SPAG16: variants seen among roughly 807,000 people sequenced by gnomAD.
The protein encoded by SPAG16 is sperm associated antigen 16.
SPAG16 carries 86 observed loss-of-function variants against 80.4 expected under a neutral mutation model. The observed-to-expected ratio is 1.07, with a 90% CI of 0.90 to 1.28. The LOEUF (loss-of-function observed/expected upper bound fraction) is 1.28, where lower values mean the gene tolerates loss of function less well. Ranked by LOEUF, SPAG16 falls within the 50% of genes most tolerant of loss-of-function variation. SPAG16 has a pLI of 0.00. For synonymous variants in SPAG16, 294 were observed against 265.9 expected (o/e 1.11, Z -1.03); for missense variants, 870 against 765.3 (o/e 1.14, Z -1.61).
At chr2:213,622,088 C>A (rs1410595206) in intron 10 of SPAG16, among the ~76,000 whole-genome samples, 1 of 152,162 alleles carries the variant, frequency 6.6e-6, no homozygotes, top group Non-Finnish European at 1.5e-5. Context: ...CAACAATACA[C>A]CTGAACAATT....
At chr2:213,804,816 A>T (rs1267130647) in intron 10 of SPAG16, among the ~76,000 whole-genome samples, 1 of 152,192 alleles carries the variant, frequency 6.6e-6, no homozygotes, top group African/African-American at 2.4e-5. Context: ...ATGTGCCTGA[A>T]AGGAGAGAGC....
At chr2:213,334,957 T>C (rs1451468474) in intron 5 of SPAG16, among the ~76,000 whole-genome samples, 3 of 152,180 alleles carry the variant, frequency 2.0e-5, no homozygotes, top group Non-Finnish European at 4.4e-5. Context: ...TAAAATTCGA[T>C]TTTTTGTAAC....
At chr2:214,315,243 T>A (rs1164000981) in intron 15 of SPAG16, among the ~76,000 whole-genome samples, 2 of 152,290 alleles carry the variant, frequency 1.3e-5, no homozygotes, top group East Asian at 3.9e-4. Flanking sequence ...TTCCTCCATC[T>A]GTTAACAACA....
chr2:213,962,194 T>A (rs1485577448), intron 12 of SPAG16, among the ~76,000 whole-genome samples: 1 of 151,380 alleles, frequency 6.6e-6, no homozygotes, highest in East Asian at 1.9e-4. Flanking sequence ...ATCCTTTTTT[T>A]ATGTTTTTTT....
At chr2:214,142,579 A>G (rs1043365713) in intron 14 of SPAG16, among the ~76,000 whole-genome samples, 6 of 152,118 alleles carry the variant, frequency 3.9e-5, no homozygotes, top group Non-Finnish European at 8.8e-5. Flanking sequence ...CAGGTCTCCC[A>G]GGCCCCTAGT....
chr2:213,357,542 G>A (rs968929685), intron 7 of SPAG16, among the ~76,000 whole-genome samples: 3 of 151,996 alleles, frequency 2.0e-5, no homozygotes, highest in Admixed American at 1.3e-4. Context: ...ATATTTGTTG[G>A]TTTTAAAGTC....
chr2:213,358,551 T>G (rs950340408), intron 7 of SPAG16, among the ~76,000 whole-genome samples: 1 of 152,226 alleles, frequency 6.6e-6, no homozygotes, highest in African/African-American at 2.4e-5. Flanking sequence ...ATTGAATTGG[T>G]TACTGAAGCT....
In SPAG16 at chr2:213,691,506, C is replaced by T. The variant is rs138174755; in HGVS notation, c.1071-170979C>T. Among the ~76,000 whole-genome samples, 521 of 152,222 alleles carry T rather than the reference C, an allele frequency of 3.4e-3. 3 individuals are homozygous for T. Among genetic ancestry groups the T allele is most frequent in the Middle Eastern group, 6.8e-3 (2 of 294 alleles). On this transcript the variant is annotated intron_variant, in intron 10 of 15. Transcript: ENST00000331683. The stretch of plus-strand genomic sequence containing the variant: ...TGGACCTCTAGCCCAGACTAAAGCC[C>T]TGGCTGATATCTGTCTGTAAACACA...
intron 15 of SPAG16, among the ~76,000 whole-genome samples, chr2:214,279,515 A>G (rs1692737181): frequency 6.6e-6 from 1 of 152,164 alleles, no homozygotes; most frequent in Non-Finnish European, 1.5e-5. Flanking sequence ...AAATTGATGA[A>G]CTCTGTAAGG....
In SPAG16 at chr2:213,931,191, C is replaced by T. The variant is rs148147091; in HGVS notation, c.1400+1046C>T. On this transcript the variant is annotated intron_variant, in intron 12 of 15. Coordinates refer to ENST00000331683, the MANE Select transcript of SPAG16 (RefSeq NM_024532.5). ...TTGTTACAATGATAGGTGCAAGTTC[C>T]GTTTCCTGACAAGTCCTTGAAAGAT... is the stretch of plus-strand genomic sequence containing the variant. 9.7e-3 allele frequency among the ~76,000 whole-genome samples: 1,482 copies of T among 152,256 alleles called. 24 individuals carry two copies. The highest frequency in any genetic ancestry group is 0.034 in the African/African-American group (1,411 of 41,550).
At chr2:213,821,140 AGG>A (rs1473569037) in intron 10 of SPAG16, among the ~76,000 whole-genome samples, 2 of 152,004 alleles carry the variant, frequency 1.3e-5, no homozygotes, top group Non-Finnish European at 2.9e-5. Flanking sequence ...TAAATCTTGT[AGG>A]TTCATTCTTC....
At chr2:214,002,426 A>G (rs2046835186) in intron 12 of SPAG16, among the ~76,000 whole-genome samples, 1 of 152,224 alleles carries the variant, frequency 6.6e-6, no homozygotes, top group Non-Finnish European at 1.5e-5. Flanking sequence ...GAATTATTCG[A>G]GAAATATTTT....
intron 10 of SPAG16, among the ~76,000 whole-genome samples, chr2:213,852,790 C>T (rs1483454551): frequency 6.6e-6 from 1 of 152,152 alleles, no homozygotes; most frequent in Admixed American, 6.6e-5. Context: ...CTGTTCTCCC[C>T]TACACATAAG....
rs1434245220 is a variant in SPAG16 at position 214,377,259 on chromosome 2, C to T, written c.1721-32881C>T. ...TTTTTCATTGTGCTTTCTGCAATAT[C>T]GTAAACCTTAAATAACACCGTTGGA... On this transcript the variant is annotated intron_variant, in intron 15 of 15. Coordinates refer to ENST00000331683, the MANE Select transcript of SPAG16 (RefSeq NM_024532.5). 2.6e-5 allele frequency among the ~76,000 whole-genome samples: 4 copies of T among 152,240 alleles called. No individual in the cohort carries two copies. The East Asian group carries it at 7.7e-4, about 29-fold the overall frequency.
intron 10 of SPAG16, among the ~76,000 whole-genome samples, chr2:213,656,295 G>A (rs937583123): frequency 2.6e-5 from 4 of 152,086 alleles, no homozygotes; most frequent in Admixed American, 6.5e-5. Flanking sequence ...CTCAGCCTCC[G>A]GAGTAGCTGG....
intron 3 of SPAG16, among the ~76,000 whole-genome samples, chr2:213,300,831 G>C (rs2062712757): frequency 6.6e-6 from 1 of 152,020 alleles, no homozygotes; most frequent in Non-Finnish European, 1.5e-5. Flanking sequence ...ATTTTTAATA[G>C]TATAAAGTGT....
At chr2:214,103,130 G>A (rs2053172418) in intron 13 of SPAG16, among the ~76,000 whole-genome samples, 1 of 152,084 alleles carries the variant, frequency 6.6e-6, no homozygotes, top group Non-Finnish European at 1.5e-5. Flanking sequence ...ATACTTCACC[G>A]TTTTGTCTCT....
intron 10 of SPAG16, among the ~76,000 whole-genome samples, chr2:213,691,033 C>T (rs1036585767): frequency 2.6e-5 from 4 of 152,170 alleles, no homozygotes; most frequent in Non-Finnish European, 4.4e-5. Context: ...AATACAGTGA[C>T]GGAGGAGCCC....
At chr2:214,166,745 A>G (rs192588315) in intron 15 of SPAG16, among the ~76,000 whole-genome samples, 1 of 152,270 alleles carries the variant, frequency 6.6e-6, no homozygotes, top group East Asian at 1.9e-4. Context: ...TAACCACTAC[A>G]ATGTGCGTAG....
Sources: gnomAD v4.1 joint callset for allele counts (sites outside exome capture counted in the v4.1 genomes callset) on GRCh38, gnomAD v4.1.1 for gene constraint, MANE v1.5 for transcripts, NCBI Gene and HGNC (gene_info 2026-07-23, HGNC 2026-07-21) for gene names.